DPYSL3: variants seen among roughly 807,000 people sequenced by gnomAD.
DPYSL3 encodes dihydropyrimidinase-related protein 3.
Under a neutral mutation model 66.1 loss-of-function variants are expected in DPYSL3, and 16 were observed. That is an observed-to-expected ratio of 0.24 (90% CI 0.16 to 0.37). The LOEUF is 0.37. DPYSL3 is among the 10% of genes least tolerant of loss of function. The probability of loss-of-function intolerance (pLI) is 1.00; values close to 1 mark genes in which losing one functional copy is unlikely to be tolerated. For missense variants in DPYSL3, 738 were observed against 916.2 expected (o/e 0.81, Z 2.51); for synonymous variants, 338 against 345.1 (o/e 0.98, Z 0.23).
chr5:147,474,843 A>G (rs940543849), intron 1 of DPYSL3, among the ~76,000 whole-genome samples: 3 of 152,116 alleles, frequency 2.0e-5, no homozygotes, highest in East Asian at 3.8e-4. Context: ...TTTTTAAGGT[A>G]TATTTAGAGC....
intron 1 of DPYSL3, among the ~76,000 whole-genome samples, chr5:147,480,277 A>G (rs905511933): frequency 6.6e-6 from 1 of 152,142 alleles, no homozygotes; most frequent in Non-Finnish European, 1.5e-5. Context: ...CCCTCTTAGG[A>G]GCAGTCAGGT....
chr5:147,501,443 A>G lies in DPYSL3; in HGVS notation c.381+8035T>C, dbSNP rs187082507. On this transcript the variant is annotated intron_variant, in intron 1 of 13. Transcript: ENST00000343218. ...CATAAAATGTGCAACACCAGAGTGA[A>G]GCCTAATGTAAACTATGGATTTGTG... Among the ~76,000 whole-genome samples the G allele has an allele frequency of 8.0e-3, 1,215 of 151,294 alleles. 10 individuals are homozygous for G. The highest frequency in any genetic ancestry group is 0.013 in the Non-Finnish European group (904 of 67,854).
chr5:147,433,853 G>A (rs1303216052), intron 1 of DPYSL3, among the ~76,000 whole-genome samples: 1 of 152,046 alleles, frequency 6.6e-6, no homozygotes, highest in African/African-American at 2.4e-5. Context: ...CCAACATGGT[G>A]AAACCCCGTC....
Position 147,509,606 on chromosome 5 carries a change from T to G in DPYSL3, c.253A>C (p.Thr85Pro), listed in dbSNP as rs1753730208. Residue 85 changes from threonine (T) to proline (P), a missense_variant, in exon 1 of 14, where the codon ACC (threonine) becomes CCC (proline). Transcript: ENST00000343218. This position sits in a 1 kb window ranked among gnomAD's most constrained non-coding sequence, Gnocchi z 5.3. ...TCCCGGCCTTGGCCCCTGCGCGGGG[T>G]GTCCCCCTCGATCCCGGGCCGACTC... ...SGSRPGIEGD[T>P]PRRGQGREES... The G allele has an allele frequency of 1.3e-6, 2 of 1,535,246 alleles. No homozygotes were observed. Among genetic ancestry groups the G allele is most frequent in the South Asian group, 2.4e-5 (2 of 83,968 alleles).
intron 8 of DPYSL3, 23 bp downstream of exon 8, chr5:147,405,587 G>A (rs1224500657): frequency 1.9e-6 from 3 of 1,601,932 alleles, no homozygotes; most frequent in East Asian, 2.2e-5. Flanking sequence ...CAGGGGCTCC[G>A]AGATCTTGGA....
At chr5:147,443,119 A>G (rs1239721012) in intron 1 of DPYSL3, among the ~76,000 whole-genome samples, 3 of 152,238 alleles carry the variant, frequency 2.0e-5, no homozygotes, top group African/African-American at 7.2e-5. Flanking sequence ...CTTAAAAAAA[A>G]TATTGACCCA....
At chr5:147,453,815 C>A in intron 1 of DPYSL3, 1 of 1,164,238 alleles carries the variant, frequency 8.6e-7, no homozygotes, top group Non-Finnish European at 1.1e-6. Context: ...CCCACGCACA[C>A]CCTCCTCCAC....
At chr5:147,430,366 C>T (rs1045975213) in intron 1 of DPYSL3, among the ~76,000 whole-genome samples, 5 of 151,776 alleles carry the variant, frequency 3.3e-5, no homozygotes, top group African/African-American at 1.2e-4. Context: ...AAAAAATAGC[C>T]AGGCATCATG....
At chr5:147,409,794 G>T (rs1409256412) in intron 6 of DPYSL3, among the ~76,000 whole-genome samples, 1 of 152,154 alleles carries the variant, frequency 6.6e-6, no homozygotes, top group African/African-American at 2.4e-5. Context: ...TAATGTGTGA[G>T]ACACATAGGA....
At chr5:147,406,719 G>C (rs1054607732) in intron 7 of DPYSL3, among the ~76,000 whole-genome samples, 4 of 152,218 alleles carry the variant, frequency 2.6e-5, no homozygotes, top group African/African-American at 9.7e-5. Context: ...GCACAGAGCA[G>C]AGACTTTGAC....
intron 1 of DPYSL3, among the ~76,000 whole-genome samples, chr5:147,495,582 C>G (rs979586958): frequency 6.6e-6 from 1 of 152,192 alleles, no homozygotes; most frequent in Non-Finnish European, 1.5e-5. Flanking sequence ...ACAAAAATCA[C>G]AAGCACTCTT....
rs759687251 is a variant in DPYSL3, at chr5:147,394,148, G to A, written c.1967-25C>T. 1.9e-6 allele frequency: 3 copies of A among 1,608,904 alleles called. No individual in the cohort carries two copies. The Admixed American group carries it at 5.1e-5, about 27-fold the overall frequency. On this transcript the variant is annotated intron_variant, in intron 13 of 13. Transcript: ENST00000343218. The stretch of plus-strand genomic sequence containing the variant: ...CCTACAGTTGGAAATAAATTCCCAG[G>A]GGGAAAAAAAAAACAGAGTGGCGGG...
At chr5:147,500,918 G>A (rs1350736189) in intron 1 of DPYSL3, among the ~76,000 whole-genome samples, 2 of 152,134 alleles carry the variant, frequency 1.3e-5, no homozygotes, top group Non-Finnish European at 2.9e-5. Context: ...CAGTTTCTTA[G>A]AAAACTAAAT....
At chr5:147,466,172 A>G (rs1235775538) in intron 1 of DPYSL3, among the ~76,000 whole-genome samples, 5 of 152,206 alleles carry the variant, frequency 3.3e-5, no homozygotes, top group African/African-American at 1.2e-4. Flanking sequence ...CAGAATATGT[A>G]TTCTCCAATT....
chr5:147,474,756 A>G lies in DPYSL3; in HGVS notation c.381+34722T>C, dbSNP rs189514876. 2.1e-3 allele frequency among the ~76,000 whole-genome samples: 327 copies of G among 152,212 alleles called. 2 individuals are homozygous for G. The highest frequency in any genetic ancestry group is 7.3e-3 in the Admixed American group (111 of 15,280). ...TAATATAATTAGATCATCTCATGTAATAGCCTTTTTTAAAACACTTTGTTG... is the reference window on the plus strand; with the variant it reads ...TAATATAATTAGATCATCTCATGTAGTAGCCTTTTTTAAAACACTTTGTTG... On this transcript the variant is annotated intron_variant, in intron 1 of 13. Transcript: ENST00000343218.
At chr5:147,448,720 A>G (rs1206503643) in intron 1 of DPYSL3, among the ~76,000 whole-genome samples, 1 of 152,164 alleles carries the variant, frequency 6.6e-6, no homozygotes, top group East Asian at 1.9e-4. Context: ...CAGGAAATCT[A>G]TTTCTTCAGA....
chr5:147,440,562 T>C lies in DPYSL3; in HGVS notation c.382-15599A>G, dbSNP rs74322891. On this transcript the variant is annotated intron_variant, in intron 1 of 13. Transcript: ENST00000343218. ...CTTCACGGCCCACGGCACATCACTA[T>C]GAACATTAATTCTTCATTATGTGTA... Among the ~76,000 whole-genome samples the C allele has an allele frequency of 0.011, 1,718 of 152,330 alleles. 67 individuals are homozygous for C. The East Asian group carries it at 0.13, about 11-fold the overall frequency.
intron 1 of DPYSL3, among the ~76,000 whole-genome samples, chr5:147,470,100 A>G (rs902263645): frequency 2.6e-5 from 4 of 152,186 alleles, no homozygotes; most frequent in Non-Finnish European, 5.9e-5. Flanking sequence ...ATCCCAACTC[A>G]GGAGCAAGCT....
intron 11 of DPYSL3, 143 bp downstream of exon 11, chr5:147,398,939 G>T: frequency 1.7e-6 from 2 of 1,152,592 alleles, no homozygotes; most frequent in Non-Finnish European, 2.4e-6. Flanking sequence ...GAGGTTTTGA[G>T]CCACTGAGAT....
Sources: gnomAD v4.1 joint callset for allele counts (sites outside exome capture counted in the v4.1 genomes callset) on GRCh38, gnomAD v4.1.1 for gene constraint, Gnocchi (gnomAD v3.1) non-coding constraint, MANE v1.5 for transcripts, NCBI Gene and HGNC (gene_info 2026-07-23, HGNC 2026-07-21) for gene names.